The following KLRF2 variants were observed in gnomAD, a reference collection of about 807,000 sequenced individuals.
KLRF2 encodes the protein killer cell lectin like receptor F2, also known as killer cell lectin-like receptor subfamily F member 2.
In KLRF2, 28 loss-of-function variants were observed where a neutral mutation model predicts 25.3. The ratio of observed to expected loss-of-function variants is 1.11; its 90% CI spans 0.82 to 1.52. The LOEUF (loss-of-function observed/expected upper bound fraction) is 1.52. Ranked by LOEUF, KLRF2 falls within the 40% of genes most tolerant of loss-of-function variation. The probability of loss-of-function intolerance (pLI) is 0.00; values close to 1 mark genes in which losing one functional copy is unlikely to be tolerated. For synonymous variants in KLRF2, 73 were observed against 85.0 expected, an observed-to-expected ratio of 0.86 and a Z score of 0.78; for missense variants, 265 against 245.8, an observed-to-expected ratio of 1.08 and a Z score of -0.52.
intron 2 of KLRF2, among the ~76,000 whole-genome samples, chr12:9,887,909 A>G (rs1407477489): frequency 1.3e-5 from 2 of 151,800 alleles, no homozygotes; most frequent in Non-Finnish European, 2.9e-5. Flanking sequence ...CACAAAAATT[A>G]GCTGGGTGTG....
At chr12:9,888,706 C>T in intron 2 of KLRF2, 27 bp from the exon 3 acceptor site, 1 of 1,339,180 alleles carries the variant, frequency 7.5e-7, no homozygotes, top group Non-Finnish European at 1.0e-6. Context: ...AAATGTTTCT[C>T]ATATCTTTTC....
chr12:9,891,688 A>G (rs1366885095), intron 3 of KLRF2, among the ~76,000 whole-genome samples: 4 of 152,104 alleles, frequency 2.6e-5, no homozygotes, highest in African/African-American at 7.2e-5. Context: ...TTAAATTACA[A>G]TTTTTCAGCA....
intron 1 of KLRF2, among the ~76,000 whole-genome samples, chr12:9,882,532 C>T (rs1868105001): frequency 6.6e-6 from 1 of 152,118 alleles, no homozygotes; most frequent in Admixed American, 6.5e-5. Flanking sequence ...AATCCCAGCA[C>T]TTTGGGATGC....
intron 2 of KLRF2, among the ~76,000 whole-genome samples, chr12:9,886,834 C>G (rs1018887806): frequency 6.7e-6 from 1 of 149,826 alleles, no homozygotes; most frequent in Non-Finnish European, 1.5e-5. Flanking sequence ...CCAGGTAGAG[C>G]TCCTGATTTA....
chr12:9,889,143 G>C (rs1355333196), intron 3 of KLRF2, among the ~76,000 whole-genome samples: 2 of 152,202 alleles, frequency 1.3e-5, no homozygotes, highest in African/African-American at 4.8e-5. Flanking sequence ...ATAGACCTAT[G>C]TTTGAATCAA....
At chr12:9,888,869 G>A in intron 3 of KLRF2, 89 bp downstream of exon 3, 5 of 705,302 alleles carry the variant, frequency 7.1e-6, no homozygotes, top group Non-Finnish European at 1.2e-5. Flanking sequence ...ATGTTACACA[G>A]TAAGCCAACA....
At chr12:9,883,141 T>C (rs1035232663) in intron 1 of KLRF2, among the ~76,000 whole-genome samples, 1 of 152,224 alleles carries the variant, frequency 6.6e-6, no homozygotes, top group Non-Finnish European at 1.5e-5. Flanking sequence ...TTCCTTGTTA[T>C]TACTGACCTA....
chr12:9,886,814 A>T (rs1005284300), intron 2 of KLRF2, among the ~76,000 whole-genome samples: 5 of 150,548 alleles, frequency 3.3e-5, no homozygotes, highest in Non-Finnish European at 7.4e-5. Flanking sequence ...AGTGAGATAT[A>T]TAGATAGAGC....
intron 4 of KLRF2, 110 bp from the exon 5 acceptor site, chr12:9,893,319 T>A: frequency 1.2e-6 from 1 of 842,734 alleles, no homozygotes; most frequent in Admixed American, 2.9e-5. Context: ...AAAATGCTAA[T>A]GTATATGAAA....
chr12:9,894,171 G>C (rs78773534), intron 5 of KLRF2, among the ~76,000 whole-genome samples: 11 of 78,658 alleles, frequency 1.4e-4, no homozygotes, highest in East Asian at 1.4e-3. Context: ...TTCCTTCTTT[G>C]TTTCTTTCTT....
At chr12:9,882,970 A>G (rs780500081) in intron 1 of KLRF2, among the ~76,000 whole-genome samples, 9 of 152,216 alleles carry the variant, frequency 5.9e-5, no homozygotes, top group African/African-American at 7.2e-5. Context: ...TTTTTAATAT[A>G]CAAATGTGTA....
At chr12:9,886,890 T>G (rs2136997062) in intron 2 of KLRF2, among the ~76,000 whole-genome samples, 1 of 151,882 alleles carries the variant, frequency 6.6e-6, no homozygotes, top group East Asian at 1.9e-4. Context: ...CTTGTTTTGG[T>G]TTTGGAGTGA....
At chr12:9,888,229 A>G (rs1006235212) in intron 2 of KLRF2, among the ~76,000 whole-genome samples, 5 of 151,886 alleles carry the variant, frequency 3.3e-5, no homozygotes, top group African/African-American at 1.2e-4. Context: ...GGTGGCTCAC[A>G]CCTGTAATCT....
chr12:9,888,742 T>C lies in KLRF2; in HGVS notation c.179T>C (p.Met60Thr), dbSNP rs894080970. The part of the protein sequence containing the change: ...GIDLKFWHKK[M>T]DFSQNVNVSS... ...TTTGCACTGAGTACAGATAAAAAAA[T>C]GGATTTCTCCCAGAATGTAAACGTC... Residue 60 changes from methionine to threonine, a missense_variant, in exon 3 of 6, where the codon ATG (methionine) becomes ACG (threonine). Physicochemically the swap from Met to Thr is moderately conservative, Grantham distance 81. Coordinates refer to ENST00000535540, the MANE Select transcript of KLRF2 (RefSeq NM_001190765.1). The C allele has an allele frequency of 6.7e-7, 1 of 1,499,442 alleles. No individual in the cohort carries two copies. The highest frequency in any genetic ancestry group is 1.4e-5 in the African/African-American group (1 of 72,570). The allele number at this position is 1,499,442 out of a possible 1,614,324, so 92.9% of individuals were successfully genotyped here. A position where few individuals can be genotyped will look rare whatever the true frequency, so the allele number is the denominator to read the frequency against.
intron 2 of KLRF2, among the ~76,000 whole-genome samples, chr12:9,888,362 C>T (rs1048099549): frequency 6.6e-5 from 10 of 151,758 alleles, no homozygotes; most frequent in South Asian, 2.1e-4. Context: ...TGGTGGTGCG[C>T]GCCTGTAGTC....
intron 1 of KLRF2, among the ~76,000 whole-genome samples, chr12:9,884,194 C>T (rs891265549): frequency 2.0e-5 from 3 of 151,948 alleles, no homozygotes; most frequent in Non-Finnish European, 4.4e-5. Context: ...TATACATGCC[C>T]CTGTTTAACC....
At chr12:9,886,223 C>A (rs1591776461) in intron 2 of KLRF2, among the ~76,000 whole-genome samples, 1 of 152,086 alleles carries the variant, frequency 6.6e-6, no homozygotes, top group Middle Eastern at 3.4e-3. Context: ...ATGTGTGTTT[C>A]TATAAAATTT....
In KLRF2 at chr12:9,895,740, A is replaced by T. The variant is rs1364110294; in HGVS notation, c.531A>T (p.Gly177=). Residue 177 remains glycine, a synonymous_variant, in exon 6 of 6, where the codon GGA becomes GGT. Transcript: ENST00000535540. ...TDDRSCAVIT[G]NWVYSEDCSS... ...ACAGGAGCTGTGCCGTTATCACAGG[A>T]AACTGGGTGTATTCTGAAGACTGTA... 3 of 1,535,854 alleles carry T rather than the reference A, an allele frequency of 2.0e-6. No homozygotes were observed. The highest frequency in any genetic ancestry group is 2.6e-6 in the Non-Finnish European group (3 of 1,146,774).
intron 2 of KLRF2, 115 bp downstream of exon 2, chr12:9,885,147 A>G: frequency 2.9e-6 from 1 of 346,450 alleles, no homozygotes; most frequent in Non-Finnish European, 5.1e-6. Context: ...CATATGTCAT[A>G]TTATAAAATT....
Sources: gnomAD v4.1 joint callset for allele counts (sites outside exome capture counted in the v4.1 genomes callset) on GRCh38, gnomAD v4.1.1 for gene constraint, MANE v1.5 for transcripts, NCBI Gene and HGNC (gene_info 2026-07-23, HGNC 2026-07-21) for gene names.